The following ACSM5 variants were observed in gnomAD, a reference collection of about 807,000 sequenced individuals.
ACSM5 encodes the protein acyl-coenzyme A synthetase ACSM5, mitochondrial.
A neutral mutation model predicts 71.6 loss-of-function variants in ACSM5; 56 were observed. The observed-to-expected ratio is 0.78, with a 90% CI of 0.63 to 0.98. The LOEUF is 0.98. Ranked by LOEUF, ACSM5 falls within the 50% of genes least tolerant of loss-of-function variation. ACSM5 has a pLI of 0.00. For missense variants in ACSM5, 723 were observed against 726.0 expected, an observed-to-expected ratio of 1.00 and a Z score of 0.05; for synonymous variants, 285 against 281.5, an observed-to-expected ratio of 1.01 and a Z score of -0.12.
rs1197659313 is a variant in ACSM5, at chr16:20,419,099, A to G, written c.416-129A>G. Reference sequence around the variant, plus strand: ...CGGCTAGGGTTTTTAGGCTGTTATTATTATTATTGTTACGTCTTCCAGCTC... The same window carrying G: ...CGGCTAGGGTTTTTAGGCTGTTATTGTTATTATTGTTACGTCTTCCAGCTC... On this transcript the variant is annotated intron_variant, in intron 3 of 13. Coordinates refer to ENST00000331849, the MANE Select transcript of ACSM5 (RefSeq NM_017888.3). 3.5e-5 allele frequency: 26 copies of G among 747,012 alleles called. No individual in the cohort carries two copies. In the South Asian group the frequency reaches 3.8e-4, roughly 11 times the overall value. The allele number at this position is 747,012 out of a possible 1,614,324, so 46.3% of individuals were successfully genotyped here. A position where few individuals can be genotyped will look rare whatever the true frequency, so the allele number is the denominator to read the frequency against.
intron 10 of ACSM5, among the ~76,000 whole-genome samples, chr16:20,436,808 T>C (rs1445419093): frequency 6.6e-6 from 1 of 152,126 alleles, no homozygotes; most frequent in African/African-American, 2.4e-5. Flanking sequence ...CTTCTAAGGA[T>C]GGTGGTGGGT....
chr16:20,416,364 C>A (rs1159459601), intron 2 of ACSM5, among the ~76,000 whole-genome samples: 1 of 150,762 alleles, frequency 6.6e-6, no homozygotes, highest in African/African-American at 2.4e-5. Context: ...CAGTGTGGCA[C>A]TAGCATAAGG....
chr16:20,418,598 G>T (rs1567341090), intron 3 of ACSM5, among the ~76,000 whole-genome samples: 1 of 152,136 alleles, frequency 6.6e-6, no homozygotes, highest in Non-Finnish European at 1.5e-5. Context: ...CAGAACTTCT[G>T]ATTTGTAATT....
At chr16:20,414,697 T>C (rs1966853339) in intron 2 of ACSM5, among the ~76,000 whole-genome samples, 1 of 152,146 alleles carries the variant, frequency 6.6e-6, no homozygotes, top group African/African-American at 2.4e-5. Flanking sequence ...TACCAAAGGA[T>C]GTGAAAGTAG....
chr16:20,431,356 G>C (rs1967097867), intron 10 of ACSM5, 35 bp downstream of exon 10: 1 of 1,524,748 alleles, frequency 6.6e-7, no homozygotes, highest in South Asian at 1.1e-5. Flanking sequence ...TCATGACAGT[G>C]ACTGTGTGCT....
intron 9 of ACSM5, 60 bp downstream of exon 9, chr16:20,431,133 C>T: frequency 6.2e-7 from 1 of 1,600,038 alleles, no homozygotes; most frequent in South Asian, 1.1e-5. Flanking sequence ...GACACACAGG[C>T]CTGGTTGGCA....
Position 20,440,600 on chromosome 16 carries a change from T to C in ACSM5, c.*173T>C. On this transcript the variant is annotated 3_prime_UTR_variant, in exon 14 of 14. Transcript: ENST00000331849. Reference sequence around the variant, plus strand: ...GGCAATGCTGGAAAGAGCAAAAGAATATCATTGGCCCTGATCACATAGATG... The same window carrying C: ...GGCAATGCTGGAAAGAGCAAAAGAACATCATTGGCCCTGATCACATAGATG... 1.6e-6 allele frequency: 1 copy of C among 613,776 alleles called. No individual in the cohort carries two copies. Among genetic ancestry groups the C allele is most frequent in the Non-Finnish European group, 2.9e-6 (1 of 339,306 alleles). 38.0% of individuals were successfully genotyped at this position (613,776 alleles called of 1,614,324 possible).
In ACSM5 at chr16:20,435,359, A is replaced by G. The variant is rs541237201; in HGVS notation, c.1309-1693A>G. Among the ~76,000 whole-genome samples, 4 of 152,238 alleles carry G rather than the reference A, an allele frequency of 2.6e-5. No homozygotes were observed. In the East Asian group the frequency reaches 7.7e-4, roughly 29 times the overall value. On this transcript the variant is annotated intron_variant, in intron 10 of 13. Transcript: ENST00000331849. Reference sequence around the variant, plus strand: ...ATTAAGTCTTTCTTTCACTTTATTTATATCTTCTTTAATGTTGTGTAGAGT... The same window carrying G: ...ATTAAGTCTTTCTTTCACTTTATTTGTATCTTCTTTAATGTTGTGTAGAGT...
rs1966877534 is a variant in ACSM5, at chr16:20,421,257, G to A, written c.624-1G>A. 6 of 1,560,646 alleles carry A rather than the reference G, an allele frequency of 3.8e-6. No individual in the cohort carries two copies. Among genetic ancestry groups the A allele is most frequent in the African/African-American group, 2.7e-5 (2 of 73,160 alleles). On this transcript the variant is annotated splice_acceptor_variant, in intron 4 of 13. Transcript: ENST00000331849. LOFTEE classifies it high-confidence loss of function. The stretch of plus-strand genomic sequence containing the variant: ...CCACCTAGTGTATTTACGTTTTACA[G>A]GGAGGCTTCTACAGAGCACAACTGC...
chr16:20,417,312 G>A (rs1966858706), intron 2 of ACSM5, among the ~76,000 whole-genome samples: 1 of 152,190 alleles, frequency 6.6e-6, no homozygotes, highest in Admixed American at 6.5e-5. Context: ...TAATGTCTAT[G>A]AACTGGTGAA....
chr16:20,419,317 A>G lies in ACSM5; in HGVS notation c.505A>G (p.Ser169Gly). The G allele has an allele frequency of 6.2e-7, 1 of 1,614,152 alleles. No individual in the cohort carries two copies. Among genetic ancestry groups the G allele is most frequent in the African/African-American group, 1.3e-5 (1 of 75,040 alleles). Residue 169 changes from serine to glycine, a missense_variant, in exon 4 of 14, where the codon AGT (serine) becomes GGT (glycine). By Grantham distance (56) the Ser-to-Gly change is moderately conservative. Coordinates refer to ENST00000331849, the MANE Select transcript of ACSM5 (RefSeq NM_017888.3). The part of the protein sequence containing the change: ...QASRAKSIIT[S>G]DSLAPRVDAI... The stretch of plus-strand genomic sequence containing the variant: ...GTCCAGGGCCAAGTCCATTATCACC[A>G]GTGACTCCCTAGCTCCAAGGGTGGA...
chr16:20,428,268 C>T (rs1050025117), intron 7 of ACSM5, among the ~76,000 whole-genome samples: 1 of 152,192 alleles, frequency 6.6e-6, no homozygotes, highest in Non-Finnish European at 1.5e-5. Context: ...TTGTTAGCCA[C>T]CTGTGGAGTG....
At chr16:20,410,856 T>C (rs976656275) in intron 1 of ACSM5, among the ~76,000 whole-genome samples, 2 of 152,094 alleles carry the variant, frequency 1.3e-5, no homozygotes, top group African/African-American at 4.8e-5. Flanking sequence ...CTAGTCCAAA[T>C]TGACATGTGT....
intron 3 of ACSM5, 62 bp downstream of exon 3, chr16:20,418,331 T>C (rs1412994722): frequency 2.9e-5 from 43 of 1,504,562 alleles, no homozygotes; most frequent in Non-Finnish European, 3.8e-5. Context: ...AGCTTTGCAG[T>C]GTCCACAGGG....
rs745696906 is a variant in ACSM5 at position 20,419,373 on chromosome 16, G to A, written c.561G>A (p.Gln187=). The change falls in exon 4 of 14, where the codon CAG becomes CAA. Residue 187 remains glutamine (Q), a synonymous_variant. Coordinates refer to ENST00000331849, the MANE Select transcript of ACSM5 (RefSeq NM_017888.3). ...TCAGTGCCGAATGCCCCTCCCTCCAGACCAAGCTGCTGGTGTCAGACAGCA... is the reference window on the plus strand; with the variant it reads ...TCAGTGCCGAATGCCCCTCCCTCCAAACCAAGCTGCTGGTGTCAGACAGCA... ...DAISAECPSL[Q]TKLLVSDSSR... The A allele has an allele frequency of 3.7e-6, 6 of 1,614,046 alleles. No homozygotes were observed. In the Admixed American group the frequency reaches 1.0e-4, roughly 27 times the overall value.
At position 20,411,467 on chromosome 16, in the gene ACSM5, C is replaced by T. The variant is rs761018646; in HGVS notation, c.-15-3C>T. 1.2e-6 allele frequency: 2 copies of T among 1,612,184 alleles called. No homozygotes were observed. Among genetic ancestry groups the T allele is most frequent in the Non-Finnish European group, 1.7e-6 (2 of 1,178,976 alleles). ...ATGCCCTCTTTCCTCTCTTTGGTGACAGACAGGAGGCGACTGCATGAGACC... is the reference window on the plus strand; with the variant it reads ...ATGCCCTCTTTCCTCTCTTTGGTGATAGACAGGAGGCGACTGCATGAGACC... On this transcript the variant is annotated splice_polypyrimidine_tract_variant and splice_region_variant and intron_variant, in intron 1 of 13. Coordinates refer to ENST00000331849, the MANE Select transcript of ACSM5 (RefSeq NM_017888.3).
intron 7 of ACSM5, among the ~76,000 whole-genome samples, chr16:20,428,547 C>G (rs948286496): frequency 7.2e-5 from 11 of 152,214 alleles, no homozygotes; most frequent in Non-Finnish European, 1.6e-4. Context: ...CCTGTTCTCC[C>G]TCTTTTGTCC....
chr16:20,423,113 A>G (rs1195649757), intron 5 of ACSM5, among the ~76,000 whole-genome samples: 1 of 152,152 alleles, frequency 6.6e-6, no homozygotes, highest in Non-Finnish European at 1.5e-5. Flanking sequence ...ATACCATGAG[A>G]TGGGATGAGA....
At chr16:20,409,926 C>T (rs1290433980) in intron 1 of ACSM5, among the ~76,000 whole-genome samples, 18 of 28,504 alleles carry the variant, frequency 6.3e-4, no homozygotes, top group South Asian at 4.3e-3. Flanking sequence ...AGGTGAGGGG[C>T]GGGAGAGGTG....
Sources: allele counts gnomAD v4.1 joint callset (sites outside exome capture counted in the v4.1 genomes callset), GRCh38; gene constraint gnomAD v4.1.1; transcripts MANE v1.5; gene names NCBI Gene and HGNC (gene_info 2026-07-23, HGNC 2026-07-21).